Variants in MYH14 observed in about 807,000 individuals in gnomAD.
The protein encoded by MYH14 is myosin heavy chain 14.
A neutral mutation model predicts 255.5 loss-of-function variants in MYH14; 123 were observed. The observed-to-expected ratio is 0.48, with a 90% CI of 0.42 to 0.56. MYH14 has a LOEUF of 0.56. MYH14 is among the 20% of genes least tolerant of loss of function. The pLI, the probability that MYH14 is intolerant of heterozygous loss-of-function variation, is 0.00. For synonymous variants in MYH14, 1,095 were observed against 1,161.2 expected, an observed-to-expected ratio of 0.94 and a Z score of 1.16; for missense variants, 2,423 against 2,802.3, an observed-to-expected ratio of 0.86 and a Z score of 3.06.
intron 27 of MYH14, among the ~76,000 whole-genome samples, chr19:50,274,713 G>A (rs2035441908): frequency 6.6e-6 from 1 of 152,146 alleles, no homozygotes; most frequent in Admixed American, 6.5e-5. Context: ...AGGGTCGCCT[G>A]AGCCCAGGAA....
intron 12 of MYH14, 32 bp from the exon 13 acceptor site, chr19:50,248,955 G>A (rs755106709): frequency 6.2e-7 from 1 of 1,611,032 alleles, no homozygotes; most frequent in East Asian, 2.2e-5. Context: ...TGATGTGCAG[G>A]CTGCGCCCTT....
chr19:50,249,269 T>C (rs1451941466), intron 13 of MYH14, 130 bp downstream of exon 13: 1 of 1,061,036 alleles, frequency 9.4e-7, no homozygotes, highest in South Asian at 1.7e-5. Context: ...TGTTCCCCCC[T>C]CTCTCTGGTC....
chr19:50,307,947 G>A (rs748354106), intron 41 of MYH14, among the ~76,000 whole-genome samples: 1 of 152,230 alleles, frequency 6.6e-6, no homozygotes, highest in African/African-American at 2.4e-5. Flanking sequence ...GGATATGGAT[G>A]TGAACGAAAC....
At chr19:50,232,607 A>C (rs545206590) in intron 10 of MYH14, among the ~76,000 whole-genome samples, 6 of 151,328 alleles carry the variant, frequency 4.0e-5, no homozygotes, top group Non-Finnish European at 7.4e-5. Flanking sequence ...AAAAAAAAAA[A>C]AAAAAAAAAC....
rs2035680831 is a variant in MYH14 at position 50,280,510 on chromosome 19, A to G, written c.4290+127A>G. 2 of 1,013,406 alleles carry G rather than the reference A, an allele frequency of 2.0e-6. No homozygotes were observed. Among genetic ancestry groups the G allele is most frequent in the African/African-American group, 1.6e-5 (1 of 61,638 alleles). 62.8% of individuals were successfully genotyped at this position (1,013,406 alleles called of 1,614,324 possible). A position where few individuals can be genotyped will look rare whatever the true frequency, so the allele number is the denominator to read the frequency against. On this transcript the variant is annotated intron_variant, in intron 32 of 42. Transcript: ENST00000642316. This position sits in a 1 kb window ranked among gnomAD's most constrained non-coding sequence, Gnocchi z 4.8. ...GGCCAGACCCATGGGTGCCTTTCTCATCTCTGACTCCCCCTTACCCCCCAC... is the reference window on the plus strand; with the variant it reads ...GGCCAGACCCATGGGTGCCTTTCTCGTCTCTGACTCCCCCTTACCCCCCAC...
chr19:50,205,078 TG>T (rs2031658846), intron 1 of MYH14, among the ~76,000 whole-genome samples: 1 of 152,110 alleles, frequency 6.6e-6, no homozygotes, highest in African/African-American at 2.4e-5. Flanking sequence ...TAGATTTTGT[TG>T]TTCCCTTCCC....
At chr19:50,253,393 A>G (rs1262113723) in intron 16 of MYH14, among the ~76,000 whole-genome samples, 1 of 151,884 alleles carries the variant, frequency 6.6e-6, no homozygotes, top group Non-Finnish European at 1.5e-5. Context: ...CAGTGAGCCA[A>G]GATTGTGTCA....
Position 50,210,378 on chromosome 19 carries a change from A to G in MYH14, c.13A>G (p.Thr5Ala). The G allele has an allele frequency of 6.3e-7, 1 of 1,587,688 alleles. No individual in the cohort carries two copies. The highest frequency in any genetic ancestry group is 8.6e-7 in the Non-Finnish European group (1 of 1,168,544). Reference sequence around the variant, plus strand: ...GCCCCTGCAGACCATGGCAGCCGTGACCATGTCGGTGCCCGGGCGGAAGGC... The same window carrying G: ...GCCCCTGCAGACCATGGCAGCCGTGGCCATGTCGGTGCCCGGGCGGAAGGC... MAAV[T>A]MSVPGRKAPP... is the part of the protein sequence containing the mutation. Residue 5 changes from threonine to alanine, a missense_variant, in exon 2 of 43, where the codon ACC (threonine) becomes GCC (alanine). Thr to Ala is a moderately conservative substitution (Grantham distance 58). Around this residue, in one of 3 missense-constraint regions of MYH14, gnomAD observed 238 missense variants for 245.8 expected, o/e 0.97. Coordinates refer to ENST00000642316, the MANE Select transcript of MYH14 (RefSeq NM_001145809.2).
At chr19:50,264,076 A>AAAAAAG (rs2034991912) in intron 22 of MYH14, among the ~76,000 whole-genome samples, 1 of 105,172 alleles carries the variant, frequency 9.5e-6, no homozygotes, top group African/African-American at 3.6e-5. Flanking sequence ...AAAAAAAAAA[A>AAAAAAG]GAGCAAAGGT....
At position 50,246,400 on chromosome 19, in the gene MYH14, C is replaced by T. The variant is rs575929059; in HGVS notation, c.1211-604C>T. Among the ~76,000 whole-genome samples the T allele has an allele frequency of 1.1e-3, 172 of 152,172 alleles. 2 individuals carry two copies. Among genetic ancestry groups the T allele is most frequent in the Middle Eastern group, 3.4e-3 (1 of 292 alleles). On this transcript the variant is annotated intron_variant, in intron 11 of 42. Transcript: ENST00000642316. ...AGGTGATCCGCCCACCTTGGCCTCCCGAAGGGCCTCCCTGGGATTACGGGC... is the reference window on the plus strand; with the variant it reads ...AGGTGATCCGCCCACCTTGGCCTCCTGAAGGGCCTCCCTGGGATTACGGGC...
chr19:50,236,298 A>G (rs149944456), intron 10 of MYH14, among the ~76,000 whole-genome samples: 1,543 of 152,172 alleles, frequency 0.01, 19 homozygotes, highest in African/African-American at 0.035. Flanking sequence ...ATGCCACTGC[A>G]CTCCAGCCTG....
intron 2 of MYH14, among the ~76,000 whole-genome samples, chr19:50,215,275 G>A (rs2032416421): frequency 1.3e-5 from 2 of 152,128 alleles, no homozygotes; most frequent in Non-Finnish European, 2.9e-5. Flanking sequence ...GGGCCGGGGC[G>A]CCGGCAGCCA....
In MYH14 at chr19:50,230,720, C is replaced by T. The variant is rs2033336682; in HGVS notation, c.973+97C>T. 10 of 1,013,430 alleles carry T rather than the reference C, an allele frequency of 9.9e-6. No individual in the cohort carries two copies. The South Asian group carries it at 1.4e-4, about 14-fold the overall frequency. 62.8% of individuals were successfully genotyped at this position (1,013,430 alleles called of 1,614,324 possible). A position where few individuals can be genotyped will look rare whatever the true frequency, so the allele number is the denominator to read the frequency against. On this transcript the variant is annotated intron_variant, in intron 9 of 42. Coordinates refer to ENST00000642316, the MANE Select transcript of MYH14 (RefSeq NM_001145809.2). This position sits in a 1 kb window ranked among gnomAD's most constrained non-coding sequence, Gnocchi z 4.7. ...GGGGAGGAAGCAAGAGTGGGGGGCT[C>T]TAATATCCGTCAAACACCGACTTCG...
At chr19:50,260,508 G>A in intron 19 of MYH14, 138 bp from the exon 20 acceptor site, 1 of 652,514 alleles carries the variant, frequency 1.5e-6, no homozygotes, top group Non-Finnish European at 2.9e-6. Context: ...GCTCAGATGT[G>A]AGTTTTGTGA....
chr19:50,238,152 A>G (rs896683737), intron 10 of MYH14, among the ~76,000 whole-genome samples: 2 of 152,198 alleles, frequency 1.3e-5, no homozygotes, highest in African/African-American at 4.8e-5. Flanking sequence ...CCTGGGACAC[A>G]GGGAGGCATG....
intron 10 of MYH14, among the ~76,000 whole-genome samples, chr19:50,237,054 C>A (rs142011011): frequency 2.6e-4 from 39 of 152,284 alleles, no homozygotes; most frequent in African/African-American, 9.1e-4. Context: ...CGTATATGAT[C>A]CTTTGTGACT....
At chr19:50,295,349 CA>C (rs34886374) in intron 39 of MYH14, among the ~76,000 whole-genome samples, 17 of 147,098 alleles carry the variant, frequency 1.2e-4, no homozygotes, top group Admixed American at 3.4e-4. Flanking sequence ...AAAAACAAAA[CA>C]AAAAAAACAG....
Position 50,280,183 on chromosome 19 carries a change from C to T in MYH14, c.4137+42C>T, listed in dbSNP as rs570316648. 9.0e-5 allele frequency: 141 copies of T among 1,558,670 alleles called. No homozygotes were observed. Among genetic ancestry groups the T allele is most frequent in the Middle Eastern group, 1.7e-4 (1 of 5,994 alleles). ...TTCGGCTCCACCGTCACCCTCCCCTCCTTGTCCTCCCAGCCACACCTGACA... is the reference window on the plus strand; with the variant it reads ...TTCGGCTCCACCGTCACCCTCCCCTTCTTGTCCTCCCAGCCACACCTGACA... On this transcript the variant is annotated intron_variant, in intron 31 of 42. Transcript: ENST00000642316. The surrounding 1 kb of genome is among the most constrained non-coding windows in gnomAD (Gnocchi z 4.8).
At position 50,292,405 on chromosome 19, in the gene MYH14, G is replaced by T; in HGVS notation, c.5256+16G>T. On this transcript the variant is annotated intron_variant, in intron 37 of 42. Transcript: ENST00000642316. ...GCTGCAGGAGGTGAGGCTGGGGTAG[G>T]CTGGGCCCTGGGACAGGAAGCTGGG... 1 of 1,558,246 alleles carries T rather than the reference G, an allele frequency of 6.4e-7. No homozygotes were observed. Among genetic ancestry groups the T allele is most frequent in the South Asian group, 1.2e-5 (1 of 83,438 alleles).
Sources: gnomAD v4.1 joint callset for allele counts (sites outside exome capture counted in the v4.1 genomes callset) on GRCh38, gnomAD v4.1.1 for gene constraint, gnomAD v4.1.1 regional missense constraint, Gnocchi (gnomAD v3.1) non-coding constraint, MANE v1.5 for transcripts, NCBI Gene and HGNC (gene_info 2026-07-23, HGNC 2026-07-21) for gene names.